ALG8: variants seen among roughly 807,000 people sequenced by gnomAD.
ALG8 encodes dolichyl pyrophosphate Glc1Man9GlcNAc2 alpha-1,3-glucosyltransferase.
A neutral mutation model predicts 70.2 loss-of-function variants in ALG8; 48 were observed. The observed-to-expected ratio is 0.68, with a 90% CI of 0.54 to 0.87. The LOEUF (loss-of-function observed/expected upper bound fraction) is 0.87. Among genes scored for constraint, ALG8 ranks in the 40% least tolerant of loss-of-function variants. The probability of loss-of-function intolerance (pLI) is 0.00; values close to 1 mark genes in which losing one functional copy is unlikely to be tolerated. For synonymous variants in ALG8, 234 were observed against 229.0 expected (o/e 1.02, Z -0.20); for missense variants, 572 against 608.7 (o/e 0.94, Z 0.64).
chr11:78,103,683 T>C (rs770570608), intron 12 of ALG8, among the ~76,000 whole-genome samples: 8 of 152,174 alleles, frequency 5.3e-5, no homozygotes, highest in Non-Finnish European at 8.8e-5. Context: ...TTTCCATATC[T>C]ATCTGTATTT....
chr11:78,123,075 A>T, intron 3 of ALG8, among the ~76,000 whole-genome samples: 1 of 152,112 alleles, frequency 6.6e-6, no homozygotes. Flanking sequence ...TGGGAGGCCG[A>T]GGCGGGTGGA....
At chr11:78,112,794 G>T in intron 7 of ALG8, 24 bp from the exon 8 acceptor site, 1 of 1,611,320 alleles carries the variant, frequency 6.2e-7, no homozygotes, top group South Asian at 1.1e-5. Context: ...AAATGAAACT[G>T]ATTAAACAGT....
rs190884439 is a variant in ALG8, at chr11:78,119,620, G to A, written c.479-371C>T. 2.5e-3 allele frequency among the ~76,000 whole-genome samples: 386 copies of A among 151,904 alleles called. 1 individual carries two copies. Among genetic ancestry groups the A allele is most frequent in the Non-Finnish European group, 4.4e-3 (297 of 67,938 alleles). On this transcript the variant is annotated intron_variant, in intron 4 of 12. Coordinates refer to ENST00000299626, the MANE Select transcript of ALG8 (RefSeq NM_024079.5). ...ATTTTTTTGTACTTTTAGTAGAGAC[G>A]GGGTTTCACTATGTTGGCCAGGCTG...
chr11:78,121,401 C>T (rs1302305895), intron 3 of ALG8, among the ~76,000 whole-genome samples: 1 of 151,266 alleles, frequency 6.6e-6, no homozygotes, highest in Non-Finnish European at 1.5e-5. Context: ...TGCCCTGGCA[C>T]CCCAAAGTCC....
intron 5 of ALG8, chr11:78,114,811 A>G: frequency 2.8e-6 from 1 of 355,692 alleles, no homozygotes; most frequent in Non-Finnish European, 5.5e-6. Context: ...ACAAAAAAAT[A>G]AAAAATAAAA....
intron 1 of ALG8, among the ~76,000 whole-genome samples, chr11:78,138,289 C>T (rs945498750): frequency 6.7e-6 from 1 of 149,088 alleles, no homozygotes; most frequent in African/African-American, 2.5e-5. Context: ...GCAGAGGTTG[C>T]AGTAAGCTGA....
chr11:78,113,861 G>GGAAA lies in ALG8; in HGVS notation c.777+24_777+25insTTTC, dbSNP rs1555069636. On this transcript the variant is annotated intron_variant, in intron 7 of 12. Transcript: ENST00000299626. ...CACCAACAAAGAACATGTATTAATT[G>GGAAA]AAAAAAAAAAAAAAAAAGGCTTACC... The GGAAA allele has an allele frequency of 1.0e-5, 13 of 1,243,364 alleles. No homozygotes were observed. The African/African-American group carries it at 1.7e-4, about 16-fold the overall frequency. The allele number at this position is 1,243,364 out of a possible 1,614,324, so 77.0% of individuals were successfully genotyped here.
chr11:78,132,197 T>G (rs541306039), intron 1 of ALG8, among the ~76,000 whole-genome samples: 17 of 152,348 alleles, frequency 1.1e-4, no homozygotes, highest in Admixed American at 8.5e-4. Context: ...ACCAGGGCAG[T>G]CTGACTCCCT....
chr11:78,121,681 C>T (rs11237399), intron 3 of ALG8, among the ~76,000 whole-genome samples: 5 of 151,904 alleles, frequency 3.3e-5, no homozygotes, highest in South Asian at 2.1e-4. Flanking sequence ...TAAAAAGCCA[C>T]GTAAACCCCA....
chr11:78,115,557 G>A (rs1200847639), intron 5 of ALG8, among the ~76,000 whole-genome samples: 1 of 149,496 alleles, frequency 6.7e-6, no homozygotes, highest in Non-Finnish European at 1.5e-5. Context: ...TAATTTTTTT[G>A]TATTTTTAGT....
intron 12 of ALG8, among the ~76,000 whole-genome samples, chr11:78,102,079 A>G (rs1392935937): frequency 6.6e-6 from 1 of 152,234 alleles, no homozygotes; most frequent in Non-Finnish European, 1.5e-5. Context: ...TAAAATATAT[A>G]TAACATGAAA....
chr11:78,107,036 C>G (rs927709469), intron 9 of ALG8, 90 bp from the exon 10 acceptor site: 1 of 1,469,272 alleles, frequency 6.8e-7, no homozygotes, highest in African/African-American at 1.4e-5. Context: ...TGCATCATCT[C>G]TGAAAGACAG....
At chr11:78,118,753 G>A (rs1324992151) in intron 5 of ALG8, among the ~76,000 whole-genome samples, 2 of 151,910 alleles carry the variant, frequency 1.3e-5, no homozygotes, top group Non-Finnish European at 2.9e-5. Context: ...AGCCAACATG[G>A]CAAGACCCTG....
chr11:78,108,195 G>A (rs1335539053), intron 9 of ALG8, among the ~76,000 whole-genome samples: 4 of 152,126 alleles, frequency 2.6e-5, no homozygotes, highest in African/African-American at 4.8e-5. Flanking sequence ...CAGGGGAATC[G>A]CTTGAACCCA....
At position 78,139,503 on chromosome 11, in the gene ALG8, A is replaced by G. The variant is rs1276719307; in HGVS notation, c.86T>C (p.Ile29Thr). 5 of 1,558,804 alleles carry G rather than the reference A, an allele frequency of 3.2e-6. No homozygotes were observed. Among genetic ancestry groups the G allele is most frequent in the Admixed American group, 1.9e-5 (1 of 51,852 alleles). Residue 29 changes from isoleucine to threonine, a missense_variant, in exon 1 of 13, where the codon ATC becomes ACC. By Grantham distance (89) the Ile-to-Thr change is moderately conservative (BLOSUM62 -1). Coordinates refer to ENST00000299626, the MANE Select transcript of ALG8 (RefSeq NM_024079.5). ...LGVTLLKCLL[I>T]PTYHSTDFEV... ...CGTGCGAGTCCCTTACTATGTGGGG[A>G]TGAGAAGGCATTTGAGAAGAGTCAC...
chr11:78,102,109 T>C (rs764681350), intron 12 of ALG8, among the ~76,000 whole-genome samples: 1 of 152,226 alleles, frequency 6.6e-6, no homozygotes, highest in Non-Finnish European at 1.5e-5. Context: ...TGTTTAACCA[T>C]TTTTAAGTAT....
chr11:78,110,843 A>C (rs1860253704), intron 8 of ALG8, among the ~76,000 whole-genome samples: 1 of 152,170 alleles, frequency 6.6e-6, no homozygotes, highest in South Asian at 2.1e-4. Context: ...TCTTACAGCT[A>C]ATAACTATCT....
intron 1 of ALG8, among the ~76,000 whole-genome samples, chr11:78,127,993 C>T (rs936381609): frequency 5.9e-5 from 9 of 152,302 alleles, no homozygotes; most frequent in South Asian, 2.1e-4. Context: ...TGAGCCACCA[C>T]GCCCGGCCTA....
intron 4 of ALG8, among the ~76,000 whole-genome samples, chr11:78,119,917 C>T (rs1049523096): frequency 6.6e-6 from 1 of 151,944 alleles, no homozygotes; most frequent in Non-Finnish European, 1.5e-5. Flanking sequence ...GCCTGGTTAA[C>T]ATGGCAAACC....
Sources: allele counts gnomAD v4.1 joint callset (sites outside exome capture counted in the v4.1 genomes callset), GRCh38; gene constraint gnomAD v4.1.1; transcripts MANE v1.5; gene names NCBI Gene and HGNC (gene_info 2026-07-23, HGNC 2026-07-21).